The following BBOF1 variants were observed in gnomAD, a reference collection of about 807,000 sequenced individuals.
BBOF1 encodes the protein basal body orientation factor 1.
A neutral mutation model predicts 68.0 loss-of-function variants in BBOF1; 62 were observed. The observed-to-expected ratio is 0.91, with a 90% confidence interval of 0.74 to 1.13. BBOF1 has a LOEUF of 1.13. Ranked by LOEUF, BBOF1 falls within the 50% of genes most tolerant of loss-of-function variation. The probability of loss-of-function intolerance (pLI) is 0.00; values close to 1 mark genes in which losing one functional copy is unlikely to be tolerated. For missense variants in BBOF1, 534 were observed against 600.1 expected, an observed-to-expected ratio of 0.89 and a Z score of 1.15; for synonymous variants, 208 against 198.8, an observed-to-expected ratio of 1.05 and a Z score of -0.39.
chr14:74,025,287 G>A (rs956375631), intron 2 of BBOF1, among the ~76,000 whole-genome samples: 3 of 152,126 alleles, frequency 2.0e-5, no homozygotes, highest in Admixed American at 1.3e-4. Flanking sequence ...ATATCAAAGG[G>A]CAGCATCTGG....
chr14:74,079,621 A>T (rs1050691388), intron 10 of BBOF1, among the ~76,000 whole-genome samples: 1 of 151,120 alleles, frequency 6.6e-6, no homozygotes, highest in Non-Finnish European at 1.5e-5. Flanking sequence ...TTTAGTAGAG[A>T]TGGGGTTTCA....
chr14:74,064,129 C>G (rs185221412), intron 11 of BBOF1, among the ~76,000 whole-genome samples: 30 of 151,536 alleles, frequency 2.0e-4, no homozygotes, highest in African/African-American at 7.0e-4. Flanking sequence ...GAAACCCTGT[C>G]TCTACTAAAA....
downstream of BBOF1, chr14:74,069,103 T>G (rs998049142): frequency 3.9e-6 from 2 of 518,662 alleles, no homozygotes; most frequent in African/African-American, 4.4e-5. Flanking sequence ...TACTTTTTCT[T>G]TTTTTTTTTT....
At position 74,074,520 on chromosome 14, in the gene BBOF1, C is replaced by T. The variant is rs556674740; in HGVS notation, n.1380-3676C>T. Among the ~76,000 whole-genome samples the T allele has an allele frequency of 5.4e-5, 8 of 147,312 alleles. No homozygotes were observed. The East Asian group carries it at 1.4e-3, about 27-fold the overall frequency. On this transcript the variant is annotated intron_variant and non_coding_transcript_variant, in intron 9 of 12. Transcript: ENST00000492026. Reference sequence around the variant, plus strand: ...CAGGATGGTCTCGATCTCTTGACCTCGTGATCCACCTGCCTCAGCCTCCCA... The same window carrying T: ...CAGGATGGTCTCGATCTCTTGACCTTGTGATCCACCTGCCTCAGCCTCCCA...
At chr14:74,034,261 C>A in intron 4 of BBOF1, 90 bp downstream of exon 4, 1 of 775,354 alleles carries the variant, frequency 1.3e-6, no homozygotes, top group Non-Finnish European at 1.9e-6. Context: ...TCCTGTGAGA[C>A]GGCAAAGAAC....
chr14:74,047,407 CTTTATTTATTTA>C (rs61067400), intron 6 of BBOF1, among the ~76,000 whole-genome samples: 43 of 145,640 alleles, frequency 3.0e-4, no homozygotes, highest in Middle Eastern at 3.4e-3. Context: ...TCCTTTTTCA[CTTTATTTATTTA>C]TTTATTTATT....
downstream of BBOF1, among the ~76,000 whole-genome samples, chr14:74,066,422 C>T (rs1255015348): frequency 1.3e-5 from 2 of 152,252 alleles, no homozygotes; most frequent in Non-Finnish European, 2.9e-5. Flanking sequence ...GCTGATCTCA[C>T]ACTACAATGT....
intron 9 of BBOF1, chr14:74,072,147 G>T: frequency 6.2e-7 from 1 of 1,612,528 alleles, no homozygotes; most frequent in Non-Finnish European, 8.5e-7. Flanking sequence ...CTCTGTGAGA[G>T]TGACAAACAT....
intron 7 of BBOF1, among the ~76,000 whole-genome samples, chr14:74,048,896 A>G (rs1048341033): frequency 1.2e-4 from 18 of 152,148 alleles, no homozygotes; most frequent in African/African-American, 4.3e-4. Context: ...AGAGAGAAAG[A>G]CGGAGTCTCA....
intron 2 of BBOF1, 37 bp from the exon 3 acceptor site, chr14:74,029,143 GTTTC>G: frequency 1.5e-6 from 2 of 1,326,926 alleles, no homozygotes; most frequent in Non-Finnish European, 2.1e-6. Flanking sequence ...ACATAGAGCA[GTTTC>G]TTTATCTTCA....
At chr14:74,066,316 TG>T (rs1408497375), downstream of BBOF1, among the ~76,000 whole-genome samples, 1 of 152,168 alleles carries the variant, frequency 6.6e-6, no homozygotes, top group Non-Finnish European at 1.5e-5. Flanking sequence ...TTTAAATGGT[TG>T]AAAAAAAATT....
chr14:74,050,914 G>A (rs931353032), intron 8 of BBOF1, among the ~76,000 whole-genome samples: 4 of 152,066 alleles, frequency 2.6e-5, no homozygotes, highest in Non-Finnish European at 4.4e-5. Flanking sequence ...TTCAAGACCA[G>A]CCTGGCCAAC....
At chr14:74,029,737 A>ATATTTATATGGTAAAAT (rs1292952853) in intron 3 of BBOF1, among the ~76,000 whole-genome samples, 6 of 152,152 alleles carry the variant, frequency 3.9e-5, no homozygotes. Flanking sequence ...TTATTGTAAA[A>ATATTTATATGGTAAAAT]AACCATATAA....
intron 9 of BBOF1, 192 bp from the exon 10 acceptor site, chr14:74,056,714 T>C: frequency 1.9e-6 from 1 of 524,634 alleles, no homozygotes; most frequent in East Asian, 3.3e-5. Flanking sequence ...GATGGATACT[T>C]CATTCTCTAT....
intron 8 of BBOF1, among the ~76,000 whole-genome samples, chr14:74,053,491 T>G (rs907438661): frequency 6.6e-6 from 1 of 150,522 alleles, no homozygotes; most frequent in African/African-American, 2.4e-5. Flanking sequence ...CACTGCAGCC[T>G]TGACTGGGCC....
At chr14:74,057,569 CTT>C in intron 11 of BBOF1, 1 of 1,329,138 alleles carries the variant, frequency 7.5e-7, no homozygotes, top group South Asian at 1.3e-5. Context: ...CCTTGTGACT[CTT>C]AGCTTTCCAT....
In BBOF1 at chr14:74,065,854, G is replaced by A. The variant is rs1404010945; in HGVS notation, c.*1155G>A. On this transcript the variant is annotated 3_prime_UTR_variant, in exon 12 of 12. Coordinates refer to ENST00000394009, the MANE Select transcript of BBOF1 (RefSeq NM_025057.3). ...TATGTTTATATTTTGATATCAGGTC[G>A]CAGACACTCAAAACATCCTTCACCA... is the stretch of plus-strand genomic sequence containing the variant. 3 of 168,738 alleles carry A rather than the reference G, an allele frequency of 1.8e-5. No individual in the cohort carries two copies. The highest frequency in any genetic ancestry group is 3.9e-5 in the Non-Finnish European group (3 of 77,542). The allele number at this position is 168,738 out of a possible 1,614,324, so 10.5% of individuals were successfully genotyped here. A position where few individuals can be genotyped will look rare whatever the true frequency, so the allele number is the denominator to read the frequency against.
intron 11 of BBOF1, 198 bp downstream of exon 11, chr14:74,057,456 C>T (rs2060240042): frequency 2.1e-6 from 3 of 1,457,624 alleles, no homozygotes; most frequent in Admixed American, 2.4e-5. Context: ...AATGCAAATG[C>T]AAATGTGTGC....
At chr14:74,073,259 A>G (rs906685948) in intron 9 of BBOF1, among the ~76,000 whole-genome samples, 2 of 151,994 alleles carry the variant, frequency 1.3e-5, no homozygotes, top group Non-Finnish European at 2.9e-5. Flanking sequence ...ACATGCTACC[A>G]TGCCCAGCTA....
Sources: gnomAD v4.1 joint callset for allele counts (sites outside exome capture counted in the v4.1 genomes callset) on GRCh38, gnomAD v4.1.1 for gene constraint, MANE v1.5 for transcripts, NCBI Gene and HGNC (gene_info 2026-07-23, HGNC 2026-07-21) for gene names.